Variants in RAPGEF6 observed in about 807,000 individuals in gnomAD.
The protein encoded by RAPGEF6 is Rap guanine nucleotide exchange factor 6, also known as PDZ domain containing guanine nucleotide exchange factor (GEF) 2.
A neutral mutation model predicts 171.4 loss-of-function variants in RAPGEF6; 56 were observed. That is an observed-to-expected ratio of 0.33 (90% confidence interval 0.26 to 0.41). RAPGEF6 has a LOEUF of 0.41. RAPGEF6 is among the 10% of genes least tolerant of loss of function. RAPGEF6 has a pLI of 1.00. For synonymous variants in RAPGEF6, 692 were observed against 650.1 expected, an observed-to-expected ratio of 1.06 and a Z score of -0.98; for missense variants, 1,674 against 1,921.4, an observed-to-expected ratio of 0.87 and a Z score of 2.41.
chr5:131,452,808 C>T (rs552726154), intron 21 of RAPGEF6, among the ~76,000 whole-genome samples: 82 of 152,160 alleles, frequency 5.4e-4, no homozygotes, highest in African/African-American at 1.9e-3. Flanking sequence ...TATCCACATA[C>T]AAATATTTGC....
At chr5:131,436,045 C>T in intron 24 of RAPGEF6, 1 of 1,536,902 alleles carries the variant, frequency 6.5e-7, no homozygotes, top group Non-Finnish European at 8.7e-7. Context: ...GATGGCACTC[C>T]CTTTCTCATC....
At chr5:131,514,228 TA>T (rs1254759599) in intron 7 of RAPGEF6, among the ~76,000 whole-genome samples, 8 of 152,106 alleles carry the variant, frequency 5.3e-5, no homozygotes, top group Non-Finnish European at 1.2e-4. Context: ...CTAAGAAATT[TA>T]AAGGGATTTT....
chr5:131,569,472 A>G (rs1020007360), intron 4 of RAPGEF6, among the ~76,000 whole-genome samples: 6 of 152,372 alleles, frequency 3.9e-5, no homozygotes, highest in Middle Eastern at 3.4e-3. Context: ...GGAAAAAAAC[A>G]GCCTTTTCAA....
chr5:131,600,328 C>T (rs1361104580), intron 3 of RAPGEF6, among the ~76,000 whole-genome samples: 3 of 152,250 alleles, frequency 2.0e-5, no homozygotes, highest in Non-Finnish European at 1.5e-5. Flanking sequence ...TCAAGACCAG[C>T]CTGGCCAATG....
At chr5:131,596,234 CTTACT>C (rs71000998) in intron 3 of RAPGEF6, among the ~76,000 whole-genome samples, 84,641 of 148,800 alleles carry the variant, frequency 0.57, 28,429 homozygotes, top group Non-Finnish European at 0.76. Flanking sequence ...AGTAGCCATG[CTTACT>C]TTAAGTCAAA....
chr5:131,433,435 G>A lies in RAPGEF6; in HGVS notation c.3969C>T (p.Gly1323=). ...ACACAGACAATGATGCTTACCCAGG[G>A]CCATGTTGACTATGATCTCCTATCC... The part of the protein sequence containing the change: ...ASGIGDHSQH[G]PGWTLLKPSL... The change falls in exon 25 of 28, where the codon GGC becomes GGT. Residue 1323 remains glycine (G), a synonymous_variant. Coordinates refer to ENST00000509018, the MANE Select transcript of RAPGEF6 (RefSeq NM_016340.6). The A allele has an allele frequency of 1.9e-6, 3 of 1,608,468 alleles. No individual in the cohort carries two copies. The highest frequency in any genetic ancestry group is 2.6e-6 in the Non-Finnish European group (3 of 1,174,892).
chr5:131,429,706 G>A (rs1447803044), intron 26 of RAPGEF6, among the ~76,000 whole-genome samples: 2 of 152,156 alleles, frequency 1.3e-5, no homozygotes, highest in African/African-American at 4.8e-5. Flanking sequence ...TTAGTTCTCA[G>A]TCCTAGCATA....
intron 11 of RAPGEF6, among the ~76,000 whole-genome samples, chr5:131,498,996 G>T (rs1019158828): frequency 6.6e-6 from 1 of 151,642 alleles, no homozygotes; most frequent in Non-Finnish European, 1.5e-5. Flanking sequence ...TTAAACTAAA[G>T]AAAGAAAGAA....
intron 15 of RAPGEF6, among the ~76,000 whole-genome samples, chr5:131,486,508 G>A (rs917191594): frequency 1.7e-4 from 26 of 152,060 alleles, no homozygotes; most frequent in African/African-American, 5.6e-4. Context: ...GATATTCTCT[G>A]CTATTATTTC....
intron 7 of RAPGEF6, among the ~76,000 whole-genome samples, chr5:131,512,348 C>T (rs770016533): frequency 2.7e-5 from 4 of 149,130 alleles, no homozygotes; most frequent in Non-Finnish European, 5.9e-5. Flanking sequence ...AATAAACTAA[C>T]CTTTTGGCTT....
At chr5:131,546,547 T>C (rs1760548791) in intron 6 of RAPGEF6, among the ~76,000 whole-genome samples, 1 of 151,046 alleles carries the variant, frequency 6.6e-6, no homozygotes, top group Admixed American at 6.6e-5. Context: ...GAGGTTGCAG[T>C]AAGCTGAGAT....
intron 6 of RAPGEF6, among the ~76,000 whole-genome samples, chr5:131,536,825 C>T (rs774428659): frequency 5.1e-4 from 77 of 152,102 alleles, no homozygotes; most frequent in Middle Eastern, 3.4e-3. Context: ...TTTCAAACAG[C>T]GTATTAATTT....
At chr5:131,440,194 C>T (rs1752288073) in intron 23 of RAPGEF6, 2 of 456,066 alleles carry the variant, frequency 4.4e-6, no homozygotes, top group Admixed American at 2.4e-5. Flanking sequence ...TGCAGGGCTG[C>T]CAGTCCAGCC....
At position 131,522,480 on chromosome 5, in the gene RAPGEF6, G is replaced by A. The variant is rs186696543; in HGVS notation, c.496-959C>T. On this transcript the variant is annotated intron_variant, in intron 6 of 27. Transcript: ENST00000509018. ...AACATTAAAGAAACACACACATAGT[G>A]TATATTAAATGTATTCTGAGGGAAT... is the stretch of plus-strand genomic sequence containing the variant. Among the ~76,000 whole-genome samples, 32 of 152,248 alleles carry A rather than the reference G, an allele frequency of 2.1e-4. 1 individual carries two copies. The highest frequency in any genetic ancestry group is 2.0e-3 in the Admixed American group (30 of 15,290).
intron 4 of RAPGEF6, among the ~76,000 whole-genome samples, chr5:131,566,690 A>G (rs1016883621): frequency 1.3e-5 from 2 of 151,234 alleles, no homozygotes; most frequent in African/African-American, 4.9e-5. Context: ...TCAGCTGTAA[A>G]GTTATCTGGG....
chr5:131,544,379 T>C (rs1222787070), intron 6 of RAPGEF6, among the ~76,000 whole-genome samples: 2 of 151,682 alleles, frequency 1.3e-5, no homozygotes, highest in Non-Finnish European at 2.9e-5. Flanking sequence ...GGGGAAAAAA[T>C]ATAATTGATG....
At position 131,464,114 on chromosome 5, in the gene RAPGEF6, CAG is replaced by C; in HGVS notation, c.2405_2406del (p.Pro802ArgfsTer18). The C allele has an allele frequency of 3.1e-6, 5 of 1,613,846 alleles. No individual in the cohort carries two copies. Among genetic ancestry groups the C allele is most frequent in the Non-Finnish European group, 4.2e-6 (5 of 1,179,876 alleles). ...TYSLCEVSVT[P>X]EGVIKQRRLP... ...AGTCTTCTCTGTTTTATGACACCCT[CAG>C]GAGTAACAGAAACTTCACAGAGAGA... On this transcript the variant is annotated frameshift_variant, in exon 18 of 28. Transcript: ENST00000509018. LOFTEE classifies it high-confidence loss of function.
intron 6 of RAPGEF6, among the ~76,000 whole-genome samples, chr5:131,527,575 C>T (rs1758967674): frequency 1.3e-5 from 2 of 152,036 alleles, no homozygotes; most frequent in Non-Finnish European, 2.9e-5. Context: ...CTCAATATTC[C>T]TCTTAGGGTA....
In RAPGEF6 at chr5:131,461,646, A is replaced by G. The variant is rs547071785; in HGVS notation, c.2864+59T>C. On this transcript the variant is annotated intron_variant, in intron 19 of 27. Coordinates refer to ENST00000509018, the MANE Select transcript of RAPGEF6 (RefSeq NM_016340.6). The stretch of plus-strand genomic sequence containing the variant: ...TAGGCATTGAATACCTAAGTAGAAA[A>G]TCAGCTGCATGTAATGACAAAACCA... 3.4e-6 allele frequency: 5 copies of G among 1,464,262 alleles called. No individual in the cohort carries two copies. The East Asian group carries it at 9.2e-5, about 27-fold the overall frequency. 90.7% of individuals were successfully genotyped at this position (1,464,262 alleles called of 1,614,324 possible).
Sources: allele counts gnomAD v4.1 joint callset (sites outside exome capture counted in the v4.1 genomes callset), GRCh38; gene constraint gnomAD v4.1.1; transcripts MANE v1.5; gene names NCBI Gene and HGNC (gene_info 2026-07-23, HGNC 2026-07-21).